NLGN1: variants seen among roughly 807,000 people sequenced by gnomAD.
NLGN1 encodes neuroligin-1.
Under a neutral mutation model 65.5 loss-of-function variants are expected in NLGN1, and 12 were observed. That is an observed-to-expected ratio of 0.18 (90% CI 0.12 to 0.30). The LOEUF is 0.30. NLGN1 is among the 10% of genes least tolerant of loss of function. The pLI is 1.00. For synonymous variants in NLGN1, 350 were observed against 359.5 expected (o/e 0.97, Z 0.30); for missense variants, 750 against 1,007.1 (o/e 0.74, Z 3.46).
chr3:174,098,986 C>A (rs1576861959), intron 4 of NLGN1, among the ~76,000 whole-genome samples: 2 of 152,146 alleles, frequency 1.3e-5, no homozygotes, highest in East Asian at 3.9e-4. Context: ...ATGAAAATGC[C>A]ACAAAATTAA....
intron 3 of NLGN1, among the ~76,000 whole-genome samples, chr3:173,731,296 G>A (rs1772802028): frequency 6.6e-6 from 1 of 152,020 alleles, no homozygotes; most frequent in South Asian, 2.1e-4. Flanking sequence ...AAAATCTGAA[G>A]AATGGAAAGA....
At chr3:174,059,704 CTG>C (rs1736976730) in intron 4 of NLGN1, among the ~76,000 whole-genome samples, 2 of 152,254 alleles carry the variant, frequency 1.3e-5, no homozygotes, top group Admixed American at 1.3e-4. Context: ...GTGGCAAGCT[CTG>C]TGCAAGAAGC....
chr3:173,482,056 C>T (rs187520833), intron 2 of NLGN1, among the ~76,000 whole-genome samples: 17 of 152,024 alleles, frequency 1.1e-4, no homozygotes, highest in African/African-American at 4.1e-4. Context: ...AAATCCCTCT[C>T]CACTCTCCCT....
chr3:173,672,030 C>T (rs927664984), intron 3 of NLGN1, among the ~76,000 whole-genome samples: 11 of 151,896 alleles, frequency 7.2e-5, no homozygotes, highest in African/African-American at 1.9e-4. Context: ...AAAAATTAGC[C>T]GGGCGTGGTG....
At chr3:174,218,656 A>T (rs963950765) in intron 4 of NLGN1, among the ~76,000 whole-genome samples, 6 of 151,850 alleles carry the variant, frequency 4.0e-5, no homozygotes, top group Admixed American at 3.3e-4. Context: ...TTAAAATGAG[A>T]ACCCTCTCTG....
chr3:173,723,183 A>C (rs921544993), intron 3 of NLGN1, among the ~76,000 whole-genome samples: 2 of 152,200 alleles, frequency 1.3e-5, no homozygotes, highest in African/African-American at 4.8e-5. Context: ...TCAGAAATAA[A>C]TTTAGAAAGA....
chr3:174,211,010 C>T (rs1331457284), intron 4 of NLGN1, among the ~76,000 whole-genome samples: 4 of 152,050 alleles, frequency 2.6e-5, no homozygotes, highest in South Asian at 2.1e-4. Flanking sequence ...CTTAAGGTGG[C>T]GCGTCTGGAG....
At chr3:173,705,299 A>G (rs1190114020) in intron 3 of NLGN1, among the ~76,000 whole-genome samples, 1 of 152,170 alleles carries the variant, frequency 6.6e-6, no homozygotes, top group Non-Finnish European at 1.5e-5. Context: ...ATCATTTTTG[A>G]TATAAAGAAA....
chr3:173,835,252 C>T (rs1307354096), intron 4 of NLGN1, among the ~76,000 whole-genome samples: 1 of 152,136 alleles, frequency 6.6e-6, no homozygotes, highest in East Asian at 1.9e-4. Flanking sequence ...TTTGATATAT[C>T]GTGGTTGCTT....
At chr3:174,126,858 A>G (rs889582929) in intron 4 of NLGN1, among the ~76,000 whole-genome samples, 5 of 152,154 alleles carry the variant, frequency 3.3e-5, no homozygotes, top group African/African-American at 1.2e-4. Context: ...GTTGTTAATG[A>G]AGAGGAGATT....
intron 3 of NLGN1, among the ~76,000 whole-genome samples, chr3:173,798,610 G>A (rs913789719): frequency 1.4e-4 from 22 of 152,134 alleles, no homozygotes; most frequent in African/African-American, 4.8e-4. Context: ...TTGCAACTGA[G>A]TGTCAATTAA....
At chr3:174,154,743 A>C (rs1725003128) in intron 4 of NLGN1, among the ~76,000 whole-genome samples, 1 of 150,872 alleles carries the variant, frequency 6.6e-6, no homozygotes, top group Non-Finnish European at 1.5e-5. Context: ...ATGGTTGTGC[A>C]TATGTTTGTA....
At chr3:173,497,952 T>C (rs1730312862) in intron 2 of NLGN1, among the ~76,000 whole-genome samples, 1 of 151,836 alleles carries the variant, frequency 6.6e-6, no homozygotes, top group Non-Finnish European at 1.5e-5. Flanking sequence ...GTTCAGAAGA[T>C]AGGCACTTTT....
chr3:173,646,600 A>G (rs373392266), intron 3 of NLGN1, among the ~76,000 whole-genome samples: 2 of 152,294 alleles, frequency 1.3e-5, no homozygotes, highest in East Asian at 1.9e-4. Flanking sequence ...AAAATATCTC[A>G]TGTGCCCCAT....
At chr3:174,214,287 T>C (rs1230642355) in intron 4 of NLGN1, among the ~76,000 whole-genome samples, 1 of 152,172 alleles carries the variant, frequency 6.6e-6, no homozygotes, top group Non-Finnish European at 1.5e-5. Flanking sequence ...ATATTTGCCA[T>C]GTATTGAGTT....
intron 2 of NLGN1, among the ~76,000 whole-genome samples, chr3:173,497,069 C>T (rs894017124): frequency 6.6e-6 from 1 of 151,922 alleles, no homozygotes. Context: ...TTCTGACTTA[C>T]TTTGCCATTG....
At chr3:174,030,744 C>G (rs887875179) in intron 4 of NLGN1, among the ~76,000 whole-genome samples, 1 of 152,084 alleles carries the variant, frequency 6.6e-6, no homozygotes, top group Admixed American at 6.6e-5. Flanking sequence ...AGAAAGCAGA[C>G]GGACAAATCT....
intron 4 of NLGN1, among the ~76,000 whole-genome samples, chr3:173,855,354 T>G (rs1169980670): frequency 1.3e-5 from 2 of 152,130 alleles, no homozygotes. Flanking sequence ...ATATTTTAAC[T>G]TTTAGAAATT....
intron 2 of NLGN1, among the ~76,000 whole-genome samples, chr3:173,514,429 C>A (rs1050697817): frequency 2.6e-5 from 4 of 152,070 alleles, no homozygotes; most frequent in Admixed American, 1.3e-4. Flanking sequence ...TTATATCATT[C>A]TTAGGCCTTT....
Sources: allele counts gnomAD v4.1 joint callset (sites outside exome capture counted in the v4.1 genomes callset), GRCh38; gene constraint gnomAD v4.1.1; transcripts MANE v1.5; gene names NCBI Gene and HGNC (gene_info 2026-07-23, HGNC 2026-07-21).